Variants in TCERG1L observed in about 807,000 individuals in gnomAD.
TCERG1L encodes the protein transcription elongation regulator 1-like protein.
A neutral mutation model predicts 56.3 loss-of-function variants in TCERG1L; 37 were observed. The observed-to-expected ratio is 0.66, with a 90% CI of 0.51 to 0.87. The LOEUF is 0.87. TCERG1L is among the 40% of genes least tolerant of loss of function. The pLI is 0.00. For missense variants in TCERG1L, 799 were observed against 774.2 expected (o/e 1.03, Z -0.38); for synonymous variants, 324 against 326.3 (o/e 0.99, Z 0.08).
intron 4 of TCERG1L, among the ~76,000 whole-genome samples, chr10:131,183,698 C>G (rs923593902): frequency 1.3e-5 from 2 of 152,346 alleles, no homozygotes; most frequent in East Asian, 1.9e-4. Context: ...CTGACTCCCC[C>G]CTCATCTGAG....
chr10:131,309,311 G>A lies in TCERG1L; in HGVS notation c.343-12C>T, dbSNP rs201473606. On this transcript the variant is annotated splice_polypyrimidine_tract_variant and intron_variant, in intron 1 of 11. Coordinates refer to ENST00000368642, the MANE Select transcript of TCERG1L (RefSeq NM_174937.4). ...CCACCAAACAGCCACTGCAAGCCAA[G>A]CAAGAAAAGACAGCTGCATTAGCCT... is the stretch of plus-strand genomic sequence containing the variant. 14 of 1,593,226 alleles carry A rather than the reference G, an allele frequency of 8.8e-6. No individual in the cohort carries two copies. In the Admixed American group the frequency reaches 2.2e-4, roughly 25 times the overall value.
intron 6 of TCERG1L, among the ~76,000 whole-genome samples, chr10:131,147,524 G>C (rs1417125365): frequency 6.6e-6 from 1 of 152,242 alleles, no homozygotes; most frequent in Non-Finnish European, 1.5e-5. Context: ...CCCCTAAGTC[G>C]TGTCAGGGTG....
chr10:131,297,303 C>T (rs1048416697), intron 3 of TCERG1L, among the ~76,000 whole-genome samples: 4 of 152,150 alleles, frequency 2.6e-5, no homozygotes, highest in African/African-American at 9.7e-5. Flanking sequence ...GTGAATTTGA[C>T]AAATGCATTT....
chr10:131,269,295 T>C (rs1357874398), intron 3 of TCERG1L, among the ~76,000 whole-genome samples: 4 of 152,218 alleles, frequency 2.6e-5, no homozygotes, highest in Non-Finnish European at 5.9e-5. Flanking sequence ...CAAGTGATTC[T>C]CCTGCCTCAG....
chr10:131,288,783 G>A (rs1468699965), intron 3 of TCERG1L, among the ~76,000 whole-genome samples: 2 of 152,036 alleles, frequency 1.3e-5, no homozygotes, highest in Admixed American at 1.3e-4. Context: ...AGAGGTTGGA[G>A]AATGCAGCTC....
intron 3 of TCERG1L, among the ~76,000 whole-genome samples, chr10:131,273,700 C>T (rs1198845745): frequency 2.0e-5 from 3 of 152,154 alleles, no homozygotes; most frequent in South Asian, 2.1e-4. Context: ...ACCCCATCTT[C>T]GCAGTGGGTG....
chr10:131,268,681 A>T (rs1846309331), intron 3 of TCERG1L, among the ~76,000 whole-genome samples: 1 of 152,250 alleles, frequency 6.6e-6, no homozygotes, highest in African/African-American at 2.4e-5. Flanking sequence ...CAGCTTCTTC[A>T]TCAGCACTTG....
rs187336760 is a variant in TCERG1L at position 131,282,548 on chromosome 10, C to T, written c.671-22104G>A. Among the ~76,000 whole-genome samples the T allele has an allele frequency of 5.6e-4, 86 of 152,276 alleles. 2 individuals carry two copies. The East Asian group carries it at 0.015, about 26-fold the overall frequency. ...CTAGAAGTTGATTAACTTACTAATA[C>T]AAGTTAATATACTAAAATGTTAACA... is the stretch of plus-strand genomic sequence containing the variant. On this transcript the variant is annotated intron_variant, in intron 3 of 11. Transcript: ENST00000368642.
Position 131,311,124 on chromosome 10 carries a change from G to T in TCERG1L, c.342+170C>A, listed in dbSNP as rs1199204123. Among the ~76,000 whole-genome samples the T allele has an allele frequency of 2.6e-5, 4 of 152,150 alleles. No individual in the cohort carries two copies. The highest frequency in any genetic ancestry group is 5.9e-5 in the Non-Finnish European group (4 of 68,032). On this transcript the variant is annotated intron_variant, in intron 1 of 11. Transcript: ENST00000368642. The surrounding 1 kb of genome is among the most constrained non-coding windows in gnomAD (Gnocchi z 4.0). The stretch of plus-strand genomic sequence containing the variant: ...GGTGGACGACCGGGCGTCCAAGCAC[G>T]AACTTTCTCGCCGAGGCACGGCTGC...
intron 4 of TCERG1L, among the ~76,000 whole-genome samples, chr10:131,255,228 C>T (rs956906005): frequency 6.6e-6 from 1 of 152,180 alleles, no homozygotes; most frequent in Non-Finnish European, 1.5e-5. Context: ...TTCATACAAA[C>T]AAATGCTGCA....
chr10:131,158,979 C>T (rs546369715), intron 6 of TCERG1L, among the ~76,000 whole-genome samples: 1 of 152,298 alleles, frequency 6.6e-6, no homozygotes, highest in South Asian at 2.1e-4. Flanking sequence ...CCTGAACTGG[C>T]CTTCTAAGAC....
chr10:131,143,272 G>A (rs941079957), intron 7 of TCERG1L, among the ~76,000 whole-genome samples: 2 of 152,158 alleles, frequency 1.3e-5, no homozygotes, highest in Non-Finnish European at 2.9e-5. Context: ...CCCTGCAGGC[G>A]GTCCCTCCCC....
chr10:131,144,349 G>A (rs776004090), intron 7 of TCERG1L, among the ~76,000 whole-genome samples: 4 of 152,110 alleles, frequency 2.6e-5, no homozygotes, highest in African/African-American at 9.7e-5. Context: ...CTGACGAGCC[G>A]CGACGAACGA....
At chr10:131,215,148 T>C (rs1488807852) in intron 4 of TCERG1L, among the ~76,000 whole-genome samples, 2 of 152,210 alleles carry the variant, frequency 1.3e-5, no homozygotes, top group African/African-American at 4.8e-5. Context: ...GTGAAAGCAG[T>C]GCTGGTCCTT....
At chr10:131,166,483 G>C (rs531708461) in intron 5 of TCERG1L, among the ~76,000 whole-genome samples, 4 of 152,346 alleles carry the variant, frequency 2.6e-5, no homozygotes, top group South Asian at 2.1e-4. Context: ...TGCCTAAGTG[G>C]TGTCTGAGTT....
At chr10:131,101,930 G>C (rs936631765) in intron 10 of TCERG1L, among the ~76,000 whole-genome samples, 5 of 152,144 alleles carry the variant, frequency 3.3e-5, no homozygotes, top group Non-Finnish European at 7.3e-5. Context: ...TGGAACTCCT[G>C]ACCTCAGATG....
chr10:131,302,789 C>T (rs1846779126), intron 3 of TCERG1L, among the ~76,000 whole-genome samples: 1 of 151,852 alleles, frequency 6.6e-6, no homozygotes, highest in Non-Finnish European at 1.5e-5. Flanking sequence ...CCCCCCACCC[C>T]GCAACAGGCC....
At chr10:131,290,895 G>A (rs1197290461) in intron 3 of TCERG1L, among the ~76,000 whole-genome samples, 1 of 152,152 alleles carries the variant, frequency 6.6e-6, no homozygotes, top group East Asian at 1.9e-4. Flanking sequence ...ATCACTGAAT[G>A]AAGTCATATT....
rs184460246 is a variant in TCERG1L at position 131,112,621 on chromosome 10, G to A, written c.1395+4178C>T. ...CAGAGTCCCCGACCGTCAAAAACGC[G>A]GCAGCCCAGGGTGGAATGACCGGGC... On this transcript the variant is annotated intron_variant, in intron 9 of 11. Coordinates refer to ENST00000368642, the MANE Select transcript of TCERG1L (RefSeq NM_174937.4). 1.3e-3 allele frequency among the ~76,000 whole-genome samples: 183 copies of A among 142,170 alleles called. 22 individuals carry two copies. The highest frequency in any genetic ancestry group is 1.6e-3 in the Non-Finnish European group (101 of 63,142). 93.3% of individuals were successfully genotyped at this position (142,170 alleles called of 152,430 possible). A position where few individuals can be genotyped will look rare whatever the true frequency, so the allele number is the denominator to read the frequency against.
Sources: gnomAD v4.1 joint callset for allele counts (sites outside exome capture counted in the v4.1 genomes callset) on GRCh38, gnomAD v4.1.1 for gene constraint, Gnocchi (gnomAD v3.1) non-coding constraint, MANE v1.5 for transcripts, NCBI Gene and HGNC (gene_info 2026-07-23, HGNC 2026-07-21) for gene names.